Variants in CNTN5 observed in about 807,000 individuals in gnomAD.
CNTN5 encodes contactin 5, also known as contactin-5.
Under a neutral mutation model 129.1 loss-of-function variants are expected in CNTN5, and 77 were observed. That is an observed-to-expected ratio of 0.60 (90% CI 0.50 to 0.72). The LOEUF (loss-of-function observed/expected upper bound fraction) is 0.72, where lower values mean the gene tolerates loss of function less well. CNTN5 is among the 30% of genes least tolerant of loss of function. The pLI is 0.00. For missense variants in CNTN5, 1,478 were observed against 1,328.8 expected (o/e 1.11, Z -1.75); for synonymous variants, 509 against 465.6 (o/e 1.09, Z -1.20).
At chr11:100,010,082 A>G (rs1167568859) in intron 9 of CNTN5, among the ~76,000 whole-genome samples, 1 of 152,142 alleles carries the variant, frequency 6.6e-6, no homozygotes, top group East Asian at 1.9e-4. Context: ...AGGGATTGAG[A>G]GATAAAGGGG....
chr11:99,353,227 C>T (rs945616090), intron 2 of CNTN5, among the ~76,000 whole-genome samples: 5 of 152,190 alleles, frequency 3.3e-5, no homozygotes, highest in African/African-American at 4.8e-5. Flanking sequence ...AGGCATCTTA[C>T]CTGCCTTGAC....
chr11:99,899,692 A>G (rs544708623), intron 6 of CNTN5, among the ~76,000 whole-genome samples: 7 of 151,754 alleles, frequency 4.6e-5, no homozygotes, highest in African/African-American at 1.7e-4. Context: ...TTCCTTTTTT[A>G]TTGTCATTTT....
intron 1 of CNTN5, among the ~76,000 whole-genome samples, chr11:99,222,294 T>C (rs1210824826): frequency 1.3e-5 from 2 of 150,674 alleles, no homozygotes; most frequent in African/African-American, 4.9e-5. Context: ...TACATATAGA[T>C]AAATACAATA....
intron 3 of CNTN5, among the ~76,000 whole-genome samples, chr11:99,588,668 A>C (rs1949884754): frequency 6.6e-6 from 1 of 152,156 alleles, no homozygotes; most frequent in African/African-American, 2.4e-5. Flanking sequence ...AAATTCCTAA[A>C]ACCAGAGGAC....
intron 7 of CNTN5, among the ~76,000 whole-genome samples, chr11:99,935,710 G>T (rs1050011087): frequency 6.6e-6 from 1 of 152,056 alleles, no homozygotes; most frequent in Non-Finnish European, 1.5e-5. Flanking sequence ...TTGTCAAACT[G>T]TCTTTCAAAA....
intron 12 of CNTN5, among the ~76,000 whole-genome samples, chr11:100,073,721 A>G (rs139918277): frequency 6.6e-6 from 1 of 152,224 alleles, no homozygotes; most frequent in African/African-American, 2.4e-5. Context: ...AAAGTAATAT[A>G]CAGAATAAAT....
At chr11:99,944,050 GT>G (rs35289038) in intron 7 of CNTN5, among the ~76,000 whole-genome samples, 63,251 of 150,110 alleles carry the variant, frequency 0.42, 13,487 homozygotes, top group South Asian at 0.5. Flanking sequence ...ATTTAAAGTA[GT>G]TTTTTTTTTT....
chr11:100,223,200 A>G (rs999741682), intron 15 of CNTN5, among the ~76,000 whole-genome samples: 1 of 152,190 alleles, frequency 6.6e-6, no homozygotes, highest in South Asian at 2.1e-4. Flanking sequence ...CATTCTCACT[A>G]TGAAGCATGT....
At chr11:99,092,553 C>T (rs1866295711) in intron 1 of CNTN5, among the ~76,000 whole-genome samples, 1 of 151,840 alleles carries the variant, frequency 6.6e-6, no homozygotes, top group African/African-American at 2.4e-5. Context: ...TAAAAGAAAG[C>T]TCAATGAATA....
intron 6 of CNTN5, among the ~76,000 whole-genome samples, chr11:99,892,220 A>T (rs556048866): frequency 2.0e-4 from 30 of 152,170 alleles, no homozygotes; most frequent in African/African-American, 6.7e-4. Context: ...TAAATTCTGG[A>T]TATTAGCCCT....
intron 1 of CNTN5, among the ~76,000 whole-genome samples, chr11:99,065,048 C>G (rs920690730): frequency 6.6e-6 from 1 of 151,780 alleles, no homozygotes; most frequent in African/African-American, 2.4e-5. Context: ...AAAAAGTTTG[C>G]TTTTTAATTT....
chr11:99,196,782 A>AT (rs1435923982), intron 1 of CNTN5, among the ~76,000 whole-genome samples: 2 of 151,986 alleles, frequency 1.3e-5, no homozygotes, highest in Admixed American at 1.3e-4. Flanking sequence ...AAAAAGAAAA[A>AT]CAAAATTTTA....
chr11:99,978,103 C>T (rs1449194636), intron 8 of CNTN5, among the ~76,000 whole-genome samples: 1 of 151,916 alleles, frequency 6.6e-6, no homozygotes, highest in Non-Finnish European at 1.5e-5. Flanking sequence ...GTAGGCTAGG[C>T]TAATTTGTGT....
At chr11:99,548,270 T>C (rs1948366359) in intron 2 of CNTN5, among the ~76,000 whole-genome samples, 1 of 152,314 alleles carries the variant, frequency 6.6e-6, no homozygotes, top group South Asian at 2.1e-4. Context: ...CTAAAAACCT[T>C]AGACAAGTTA....
intron 2 of CNTN5, among the ~76,000 whole-genome samples, chr11:99,377,433 C>A (rs1029105397): frequency 2.0e-5 from 3 of 151,922 alleles, no homozygotes; most frequent in African/African-American, 4.8e-5. Flanking sequence ...ATTTATCTTT[C>A]TCAAAGGCTT....
At position 99,859,224 on chromosome 11, in the gene CNTN5, T is replaced by G. The variant is rs765023714; in HGVS notation, c.577+13962T>G. On this transcript the variant is annotated intron_variant, in intron 6 of 24. Coordinates refer to ENST00000524871, the MANE Select transcript of CNTN5 (RefSeq NM_014361.4). ...AATCTCTAATTTTGAGATCAGACTATTGAACTGAAAAGGATCATATATCCT... is the reference window on the plus strand; with the variant it reads ...AATCTCTAATTTTGAGATCAGACTAGTGAACTGAAAAGGATCATATATCCT... Among the ~76,000 whole-genome samples, 4 of 152,230 alleles carry G rather than the reference T, an allele frequency of 2.6e-5. No individual in the cohort carries two copies. In the East Asian group the frequency reaches 7.7e-4, roughly 29 times the overall value.
At chr11:99,819,338 C>CCTCT (rs1946706027) in intron 3 of CNTN5, among the ~76,000 whole-genome samples, 2 of 23,446 alleles carry the variant, frequency 8.5e-5, no homozygotes, top group Non-Finnish European at 1.8e-4. Flanking sequence ...CCCTCCCCTC[C>CCTCT]TTTCCTTAAT....
intron 16 of CNTN5, among the ~76,000 whole-genome samples, chr11:100,253,095 T>C (rs1214335459): frequency 6.6e-6 from 1 of 152,192 alleles, no homozygotes; most frequent in East Asian, 1.9e-4. Context: ...TGATTAATGC[T>C]TTCTTCAAAT....
intron 1 of CNTN5, among the ~76,000 whole-genome samples, chr11:99,113,479 T>A (rs1857897141): frequency 6.6e-6 from 1 of 152,046 alleles, no homozygotes; most frequent in Non-Finnish European, 1.5e-5. Flanking sequence ...TGTGACTAAC[T>A]TGGTTACTAC....
Sources: allele counts gnomAD v4.1 joint callset (sites outside exome capture counted in the v4.1 genomes callset), GRCh38; gene constraint gnomAD v4.1.1; transcripts MANE v1.5; gene names NCBI Gene and HGNC (gene_info 2026-07-23, HGNC 2026-07-21).